Variants in SLC26A7 observed in about 807,000 individuals in gnomAD.
SLC26A7 encodes anion exchange transporter.
In SLC26A7, 59 loss-of-function variants were observed where a neutral mutation model predicts 82.5. That is an observed-to-expected ratio of 0.72 (90% CI 0.58 to 0.89). The LOEUF (loss-of-function observed/expected upper bound fraction) is 0.89. Ranked by LOEUF, SLC26A7 falls within the 40% of genes least tolerant of loss-of-function variation. SLC26A7 has a pLI of 0.00. For missense variants in SLC26A7, 820 were observed against 793.0 expected (o/e 1.03, Z -0.41); for synonymous variants, 271 against 274.3 (o/e 0.99, Z 0.12).
At chr8:91,319,735 C>T (rs1812738643) in intron 5 of SLC26A7, among the ~76,000 whole-genome samples, 1 of 152,238 alleles carries the variant, frequency 6.6e-6, no homozygotes, top group African/African-American at 2.4e-5. Flanking sequence ...CTGTCTTGAC[C>T]TCTCACCTGG....
chr8:91,376,134 C>A (rs1192007870), intron 15 of SLC26A7, among the ~76,000 whole-genome samples: 1 of 151,918 alleles, frequency 6.6e-6, no homozygotes, highest in African/African-American at 2.4e-5. Flanking sequence ...GAATTGTTTT[C>A]TGGTTTCTTT....
At chr8:91,257,741 C>G (rs1412719283) in intron 2 of SLC26A7, among the ~76,000 whole-genome samples, 2 of 151,862 alleles carry the variant, frequency 1.3e-5, no homozygotes, top group African/African-American at 2.4e-5. Context: ...TTTGGAGGTA[C>G]ATGTGAAGTT....
chr8:91,391,286 G>T (rs16893658), intron 16 of SLC26A7, among the ~76,000 whole-genome samples: 2,313 of 152,228 alleles, frequency 0.015, 50 homozygotes, highest in African/African-American at 0.053. Context: ...AGGTGTGGGG[G>T]ACATCATCTC....
chr8:91,340,694 A>T, intron 8 of SLC26A7, 143 bp downstream of exon 8: 1 of 957,218 alleles, frequency 1.0e-6, no homozygotes, highest in Non-Finnish European at 1.5e-6. Flanking sequence ...AAAGAAAAAT[A>T]TCAAAATCAT....
chr8:91,228,390 G>A (rs916155896), intron 2 of SLC26A7, among the ~76,000 whole-genome samples: 37 of 152,194 alleles, frequency 2.4e-4, no homozygotes, highest in African/African-American at 8.0e-4. Context: ...GCCATCCACG[G>A]GCAGCTGAGA....
chr8:91,300,482 C>T (rs1812134187), intron 4 of SLC26A7, among the ~76,000 whole-genome samples: 1 of 151,546 alleles, frequency 6.6e-6, no homozygotes, highest in Non-Finnish European at 1.5e-5. Context: ...ACTGCAAGCT[C>T]CGCCTCCCGG....
intron 1 of SLC26A7, among the ~76,000 whole-genome samples, chr8:91,217,250 G>A (rs1265913986): frequency 3.3e-5 from 5 of 152,126 alleles, no homozygotes; most frequent in African/African-American, 1.2e-4. Context: ...ACTCGTGGTT[G>A]CAAATTAAAG....
At chr8:91,383,694 C>T (rs1255409100) in intron 15 of SLC26A7, among the ~76,000 whole-genome samples, 2 of 152,126 alleles carry the variant, frequency 1.3e-5, no homozygotes, top group African/African-American at 2.4e-5. Flanking sequence ...CAAAACACTT[C>T]AGTCAGTTTA....
chr8:91,218,357 T>A (rs201858244), intron 1 of SLC26A7, among the ~76,000 whole-genome samples: 1 of 11,586 alleles, frequency 8.6e-5, no homozygotes, highest in African/African-American at 2.5e-3. Context: ...TTTGTACAAA[T>A]TATTTTGAAG....
At chr8:91,228,600 T>C (rs963978906) in intron 2 of SLC26A7, among the ~76,000 whole-genome samples, 1 of 152,074 alleles carries the variant, frequency 6.6e-6, no homozygotes, top group Non-Finnish European at 1.5e-5. Flanking sequence ...GCTTTTATTC[T>C]TGTAAGTAAT....
intron 2 of SLC26A7, among the ~76,000 whole-genome samples, chr8:91,259,285 G>C (rs1810895058): frequency 6.6e-6 from 1 of 151,984 alleles, no homozygotes; most frequent in South Asian, 2.1e-4. Flanking sequence ...TATGGACATG[G>C]ACTTTCTAAT....
rs574636951 is a variant in SLC26A7, at chr8:91,328,127, T to C, written c.643-6168T>C. 4.6e-5 allele frequency among the ~76,000 whole-genome samples: 7 copies of C among 152,264 alleles called. No homozygotes were observed. The East Asian group carries it at 1.3e-3, about 29-fold the overall frequency. ...AATACTTGTTAATATTTTCTAAACA[T>C]ATAAGATCTTTCTATTTGTGTTATG... On this transcript the variant is annotated intron_variant, in intron 5 of 18. Coordinates refer to ENST00000276609, the MANE Select transcript of SLC26A7 (RefSeq NM_052832.4).
chr8:91,210,403 C>T (rs1382441182), intron 1 of SLC26A7, among the ~76,000 whole-genome samples: 1 of 152,090 alleles, frequency 6.6e-6, no homozygotes, highest in Non-Finnish European at 1.5e-5. Flanking sequence ...CCATTACTCC[C>T]AATAGCTATC....
intron 2 of SLC26A7, among the ~76,000 whole-genome samples, chr8:91,279,143 ATATATATATATATATATATATATG>A (rs1162869735): frequency 9.1e-6 from 1 of 109,548 alleles, no homozygotes; most frequent in Admixed American, 9.0e-5. Flanking sequence ...ATATATATAT[ATATATATATATATATATATATATG>A]TATCACATTT....
intron 1 of SLC26A7, among the ~76,000 whole-genome samples, chr8:91,211,732 TTATCAG>T (rs1480618419): frequency 6.6e-6 from 1 of 151,718 alleles, no homozygotes; most frequent in Non-Finnish European, 1.5e-5. Context: ...AGCAAATACT[TTATCAG>T]GAAGGGAGAA....
chr8:91,244,477 C>G (rs1310402711), upstream of SLC26A7, among the ~76,000 whole-genome samples: 1 of 148,796 alleles, frequency 6.7e-6, no homozygotes, highest in African/African-American at 2.5e-5. Flanking sequence ...TGATTCTTTC[C>G]CTAGGCATTT....
At chr8:91,392,473 C>T (rs1287386103) in intron 16 of SLC26A7, among the ~76,000 whole-genome samples, 1 of 152,132 alleles carries the variant, frequency 6.6e-6, no homozygotes, top group Non-Finnish European at 1.5e-5. Flanking sequence ...TTAGGAAGAA[C>T]TCAATAATGC....
chr8:91,281,854 C>T (rs764774709), intron 2 of SLC26A7, among the ~76,000 whole-genome samples: 5 of 152,072 alleles, frequency 3.3e-5, no homozygotes, highest in Admixed American at 1.3e-4. Context: ...TAGTATTGTG[C>T]TTTTCAGAAT....
At chr8:91,216,625 G>A (rs2130655748) in intron 1 of SLC26A7, among the ~76,000 whole-genome samples, 1 of 152,182 alleles carries the variant, frequency 6.6e-6, no homozygotes, top group Middle Eastern at 3.4e-3. Flanking sequence ...GGGTGAGACG[G>A]TTGTCTAGTA....
Sources: allele counts gnomAD v4.1 joint callset (sites outside exome capture counted in the v4.1 genomes callset), GRCh38; gene constraint gnomAD v4.1.1; transcripts MANE v1.5; gene names NCBI Gene and HGNC (gene_info 2026-07-23, HGNC 2026-07-21).